Variants in ZNF780B observed in about 807,000 individuals in gnomAD.
ZNF780B encodes the protein zinc finger protein 779.
In ZNF780B, 52 loss-of-function variants were observed where a neutral mutation model predicts 74.1. That is an observed-to-expected ratio of 0.70 (90% CI 0.56 to 0.88). The LOEUF is 0.88. Among genes scored for constraint, ZNF780B ranks in the 40% least tolerant of loss-of-function variants. The probability of loss-of-function intolerance (pLI) is 0.00; values close to 1 mark genes in which losing one functional copy is unlikely to be tolerated. For synonymous variants in ZNF780B, 315 were observed against 324.3 expected, an observed-to-expected ratio of 0.97 and a Z score of 0.31; for missense variants, 953 against 1,007.6, an observed-to-expected ratio of 0.95 and a Z score of 0.73.
At position 40,031,198 on chromosome 19, in the gene ZNF780B, A is replaced by T. The variant is rs1971985811; in HGVS notation, c.*3159T>A. ...TCTTAAAAAAAATTTAATCTAATTC[A>T]TGATGCCACATCGGTATCATGTTTT... On this transcript the variant is annotated 3_prime_UTR_variant, in exon 5 of 5. Transcript: ENST00000434248. 6.6e-6 allele frequency: 1 copy of T among 152,218 alleles called. No individual in the cohort carries two copies. The highest frequency in any genetic ancestry group is 1.5e-5 in the Non-Finnish European group (1 of 68,044). The allele number at this position is 152,218 out of a possible 1,614,324, so 9.4% of individuals were successfully genotyped here.
chr19:40,034,168 A>T lies in ZNF780B; in HGVS notation c.*189T>A. On this transcript the variant is annotated 3_prime_UTR_variant, in exon 5 of 5. Coordinates refer to ENST00000434248, the MANE Select transcript of ZNF780B (RefSeq NM_001005851.3). ...GAACTATGACTAAAGGCTTTCCCAC[A>T]TTCTTCACATTGATATGGTTTCTCA... 1.5e-6 allele frequency: 1 copy of T among 664,342 alleles called. No individual in the cohort carries two copies. The highest frequency in any genetic ancestry group is 2.6e-5 in the East Asian group (1 of 38,396). 41.2% of individuals were successfully genotyped at this position (664,342 alleles called of 1,614,324 possible).
chr19:40,041,619 G>C (rs1468937642), intron 4 of ZNF780B, among the ~76,000 whole-genome samples: 1 of 152,204 alleles, frequency 6.6e-6, no homozygotes, highest in Non-Finnish European at 1.5e-5. Flanking sequence ...ATTTAGGATA[G>C]TTAGCGCTTC....
intron 2 of ZNF780B, among the ~76,000 whole-genome samples, chr19:40,049,444 A>G (rs1371289267): frequency 6.6e-6 from 1 of 152,154 alleles, no homozygotes; most frequent in Non-Finnish European, 1.5e-5. Context: ...CAGAGTCTCT[A>G]AGGTTTTCCC....
At chr19:40,037,319 C>T (rs1220261029) in intron 4 of ZNF780B, among the ~76,000 whole-genome samples, 1 of 152,030 alleles carries the variant, frequency 6.6e-6, no homozygotes, top group East Asian at 1.9e-4. Flanking sequence ...CTCCCAGGCT[C>T]AAGCAATCCT....
rs1005701421 is a variant in ZNF780B, at chr19:40,033,453, T to G, written c.*904A>C. 1 of 153,976 alleles carries G rather than the reference T, an allele frequency of 6.5e-6. No individual in the cohort carries two copies. The highest frequency in any genetic ancestry group is 1.5e-5 in the Non-Finnish European group (1 of 68,180). The allele number at this position is 153,976 out of a possible 1,614,324, so 9.5% of individuals were successfully genotyped here. ...CAGTAACTTTCTCACCAAAATTATCTTCTCTGAACTCTAAGGCATTTAGTG... is the reference window on the plus strand; with the variant it reads ...CAGTAACTTTCTCACCAAAATTATCGTCTCTGAACTCTAAGGCATTTAGTG... On this transcript the variant is annotated 3_prime_UTR_variant, in exon 5 of 5. Coordinates refer to ENST00000434248, the MANE Select transcript of ZNF780B (RefSeq NM_001005851.3).
chr19:40,036,373 A>T lies in ZNF780B; in HGVS notation c.486T>A (p.His162Gln). ...CACATTCCTTACATTCATATGGTTT[A>T]TGTGTATTATGAATAGGAGAAGCAT... ...YTHASPIHNT[H>Q]KPYECKECGK... Residue 162 changes from histidine (H) to glutamine (Q), a missense_variant, in exon 5 of 5, where the codon CAT (histidine) becomes CAA (glutamine). His to Gln is a conservative substitution (Grantham distance 24, BLOSUM62 0). Coordinates refer to ENST00000434248, the MANE Select transcript of ZNF780B (RefSeq NM_001005851.3). The T allele has an allele frequency of 6.2e-7, 1 of 1,611,922 alleles. No homozygotes were observed. The highest frequency in any genetic ancestry group is 8.5e-7 in the Non-Finnish European group (1 of 1,179,434).
chr19:40,034,470 A>G lies in ZNF780B; in HGVS notation c.2389T>C (p.Ser797Pro). 2 of 1,613,766 alleles carry G rather than the reference A, an allele frequency of 1.2e-6. No homozygotes were observed. The highest frequency in any genetic ancestry group is 1.7e-6 in the Non-Finnish European group (2 of 1,179,892). The change falls in exon 5 of 5, where the codon TCT (serine) becomes CCT (proline). Residue 797 changes from serine to proline, a missense_variant. Physicochemically the swap from Ser to Pro is moderately conservative, Grantham distance 74. Coordinates refer to ENST00000434248, the MANE Select transcript of ZNF780B (RefSeq NM_001005851.3). Reference sequence around the variant, plus strand: ...ACCTGTACAAGTTTTTGATGCAGAGAAAGTTGTAGGTGAAGTCTAAAAGCC... The same window carrying G: ...ACCTGTACAAGTTTTTGATGCAGAGGAAGTTGTAGGTGAAGTCTAAAAGCC... Reference protein sequence around the residue: ...GKAFRLHLQLSLHQKLVQVRN... With the variant: ...GKAFRLHLQLPLHQKLVQVRN...
chr19:40,035,400 G>T lies in ZNF780B; in HGVS notation c.1459C>A (p.Gln487Lys), dbSNP rs780535592. Residue 487 changes from glutamine (Q) to lysine (K), a missense_variant, in exon 5 of 5, where the codon CAG becomes AAG. Physicochemically the swap from Gln to Lys is moderately conservative, Grantham distance 53 (BLOSUM62 1). Coordinates refer to ENST00000434248, the MANE Select transcript of ZNF780B (RefSeq NM_001005851.3). The part of the protein sequence containing the change: ...ECGKAFSLLT[Q>K]LARHKNIHTG... ...TGAATGTTCTTATGTCGAGCAAGCT[G>T]TGTCAGAAGACTAAAGGCCTTTCCA... 6.2e-7 allele frequency: 1 copy of T among 1,614,110 alleles called. No homozygotes were observed. The highest frequency in any genetic ancestry group is 1.7e-5 in the Admixed American group (1 of 60,018).
intron 4 of ZNF780B, among the ~76,000 whole-genome samples, chr19:40,043,238 T>C (rs1226965812): frequency 2.6e-5 from 4 of 152,176 alleles, no homozygotes; most frequent in Admixed American, 6.5e-5. Context: ...ACAGTGGATA[T>C]TGGTGACCCG....
At position 40,035,645 on chromosome 19, in the gene ZNF780B, A is replaced by G. The variant is rs1280589618; in HGVS notation, c.1214T>C (p.Ile405Thr). ...ATCAGCATGAATACTCTGGTGTTGA[A>G]TAAGGTTTGAACTACGATTAAAGGA... ...GKSFNRSSNL[I>T]QHQSIHADVK... Residue 405 changes from isoleucine (I) to threonine (T), a missense_variant, in exon 5 of 5, where the codon ATT (isoleucine) becomes ACT (threonine). Physicochemically the swap from Ile to Thr is moderately conservative, Grantham distance 89. Transcript: ENST00000434248. 1.2e-6 allele frequency: 2 copies of G among 1,613,520 alleles called. No individual in the cohort carries two copies. Among genetic ancestry groups the G allele is most frequent in the Non-Finnish European group, 1.7e-6 (2 of 1,179,870 alleles).
At position 40,034,312 on chromosome 19, in the gene ZNF780B, A is replaced by G; in HGVS notation, c.*45T>C. 1 of 1,439,818 alleles carries G rather than the reference A, an allele frequency of 6.9e-7. No individual in the cohort carries two copies. Among genetic ancestry groups the G allele is most frequent in the South Asian group, 1.3e-5 (1 of 77,988 alleles). The allele number at this position is 1,439,818 out of a possible 1,614,324, so 89.2% of individuals were successfully genotyped here. A position where few individuals can be genotyped will look rare whatever the true frequency, so the allele number is the denominator to read the frequency against. On this transcript the variant is annotated 3_prime_UTR_variant, in exon 5 of 5. Coordinates refer to ENST00000434248, the MANE Select transcript of ZNF780B (RefSeq NM_001005851.3). ...AATCTATAATGTCCATGAAATTGGTAATGATATTGAAAGGCCTTCCCACAT... is the reference window on the plus strand; with the variant it reads ...AATCTATAATGTCCATGAAATTGGTGATGATATTGAAAGGCCTTCCCACAT...
rs1320632699 is a variant in ZNF780B, at chr19:40,030,683, T to C, written c.*3674A>G. The C allele has an allele frequency of 2.0e-5, 3 of 152,254 alleles. No individual in the cohort carries two copies. The highest frequency in any genetic ancestry group is 4.4e-5 in the Non-Finnish European group (3 of 68,048). The allele number at this position is 152,254 out of a possible 1,614,324, so 9.4% of individuals were successfully genotyped here. On this transcript the variant is annotated 3_prime_UTR_variant, in exon 5 of 5. Coordinates refer to ENST00000434248, the MANE Select transcript of ZNF780B (RefSeq NM_001005851.3). Reference sequence around the variant, plus strand: ...TTTTATTATGTTTGCAAAGGGACTCTGACTTCCAACATAGTACTGCCATGA... The same window carrying C: ...TTTTATTATGTTTGCAAAGGGACTCCGACTTCCAACATAGTACTGCCATGA...
chr19:40,040,910 T>A (rs948699058), intron 4 of ZNF780B, among the ~76,000 whole-genome samples: 8 of 152,218 alleles, frequency 5.3e-5, no homozygotes, highest in African/African-American at 1.9e-4. Flanking sequence ...CTCTATTTCC[T>A]TCAGTTCTGC....
rs750374848 is a variant in ZNF780B, at chr19:40,035,981, A to G, written c.878T>C (p.Ile293Thr). 4.9e-5 allele frequency: 79 copies of G among 1,613,848 alleles called. No individual in the cohort carries two copies. The highest frequency in any genetic ancestry group is 6.5e-5 in the Non-Finnish European group (77 of 1,180,004). Residue 293 changes from isoleucine (I) to threonine (T), a missense_variant, in exon 5 of 5, where the codon ATT (isoleucine) becomes ACT (threonine). Physicochemically the swap from Ile to Thr is moderately conservative, Grantham distance 89 (BLOSUM62 -1). Transcript: ENST00000434248. ...ATTGGAATGAATTTTTTGATGCTGA[A>G]TAAGATTTGAACCACGATTAAAGGC... ...GKAFNRGSNL[I>T]QHQKIHSNEK...
rs1298325677 is a variant in ZNF780B at position 40,032,677 on chromosome 19, C to T, written c.*1680G>A. The T allele has an allele frequency of 6.8e-6, 1 of 147,842 alleles. No individual in the cohort carries two copies. The highest frequency in any genetic ancestry group is 1.5e-5 in the Non-Finnish European group (1 of 68,254). 9.2% of individuals were successfully genotyped at this position (147,842 alleles called of 1,614,324 possible). On this transcript the variant is annotated 3_prime_UTR_variant, in exon 5 of 5. Coordinates refer to ENST00000434248, the MANE Select transcript of ZNF780B (RefSeq NM_001005851.3). ...AGCTTGCAGTGAGCCCAGATCGCAC[C>T]ACTGCACTCCAGTCTGGGCGACAGA... is the stretch of plus-strand genomic sequence containing the variant.
At position 40,035,442 on chromosome 19, in the gene ZNF780B, AG is replaced by A. The variant is rs779093130; in HGVS notation, c.1416del (p.Phe473LeufsTer13). The A allele has an allele frequency of 6.2e-6, 10 of 1,614,100 alleles. No individual in the cohort carries two copies. The highest frequency in any genetic ancestry group is 8.5e-6 in the Non-Finnish European group (10 of 1,180,038). ...GCCTTTCCACATTCTTTACATTCAA[AG>A]GGTTTCCCACCAGTATGAATTTGGC... ...QHCQIHTGGK[P>X]FECKECGKAF... On this transcript the variant is annotated frameshift_variant, in exon 5 of 5. Transcript: ENST00000434248. LOFTEE classifies it high-confidence loss of function.
At position 40,035,796 on chromosome 19, in the gene ZNF780B, G is replaced by A. The variant is rs765857623; in HGVS notation, c.1063C>T (p.His355Tyr). 6 of 1,613,944 alleles carry A rather than the reference G, an allele frequency of 3.7e-6. No individual in the cohort carries two copies. The highest frequency in any genetic ancestry group is 1.1e-5 in the South Asian group (1 of 91,086). The change falls in exon 5 of 5, where the codon CAT becomes TAT. Residue 355 changes from histidine (H) to tyrosine (Y), a missense_variant. By Grantham distance (83) the His-to-Tyr change is moderately conservative (BLOSUM62 2). Coordinates refer to ENST00000434248, the MANE Select transcript of ZNF780B (RefSeq NM_001005851.3). ...CATTCAAAGGGCTTCTCACCCATAT[G>A]AATCTTCTGATGTCGAACAAGCTTT... Reference protein sequence around the residue: ...LTKLVRHQKIHMGEKPFECRE... With the variant: ...LTKLVRHQKIYMGEKPFECRE...
intron 3 of ZNF780B, among the ~76,000 whole-genome samples, chr19:40,048,356 CA>C (rs1272675422): frequency 6.6e-6 from 1 of 152,158 alleles, no homozygotes; most frequent in Non-Finnish European, 1.5e-5. Context: ...TGAGATCAAA[CA>C]TAATATGAAA....
chr19:40,036,222 T>A lies in ZNF780B; in HGVS notation c.637A>T (p.Lys213Ter), dbSNP rs532572879. 1 of 1,611,380 alleles carries A rather than the reference T, an allele frequency of 6.2e-7. No homozygotes were observed. Among genetic ancestry groups the A allele is most frequent in the East Asian group, 2.2e-5 (1 of 44,864 alleles). The change falls in exon 5 of 5, where the codon AAA becomes TAA. Residue 213 changes from lysine (K) to a stop codon, truncating the protein, a stop_gained. Coordinates refer to ENST00000434248, the MANE Select transcript of ZNF780B (RefSeq NM_001005851.3). LOFTEE classifies it high-confidence loss of function. ...QLHIQLTRHQ[K>*]FHTGEKTFEC... ...AAAGTTTTCTCACCAGTATGAAATT[T>A]CTGATGTCGAGTAAGTTGTATGTGA... is the stretch of plus-strand genomic sequence containing the variant.
Sources: allele counts gnomAD v4.1 joint callset (sites outside exome capture counted in the v4.1 genomes callset), GRCh38; gene constraint gnomAD v4.1.1; transcripts MANE v1.5; gene names NCBI Gene and HGNC (gene_info 2026-07-23, HGNC 2026-07-21).